The following ZNF106 variants were observed in gnomAD, a reference collection of about 807,000 sequenced individuals.
The protein encoded by ZNF106 is SH3-domain binding protein 3.
In ZNF106, 67 loss-of-function variants were observed where a neutral mutation model predicts 195.1. The observed-to-expected ratio is 0.34, with a 90% CI of 0.28 to 0.42. The LOEUF is 0.42. Among genes scored for constraint, ZNF106 ranks in the 10% least tolerant of loss-of-function variants. ZNF106 has a pLI of 1.00. For synonymous variants in ZNF106, 784 were observed against 818.6 expected (o/e 0.96, Z 0.72); for missense variants, 2,118 against 2,304.5 (o/e 0.92, Z 1.66).
In ZNF106 at chr15:42,413,032, A is replaced by G. The variant is rs2054321884; in HGVS notation, c.*4272T>C. On this transcript the variant is annotated 3_prime_UTR_variant, in exon 22 of 22. Transcript: ENST00000564754. ...AAGGGTGCTGGAGCAGCTCTAGGGC[A>G]TATATTTCTCTTAAATAGGAGAAAG... 1 of 152,214 alleles carries G rather than the reference A, an allele frequency of 6.6e-6. No homozygotes were observed. Among genetic ancestry groups the G allele is most frequent in the Non-Finnish European group, 1.5e-5 (1 of 68,040 alleles). 9.4% of individuals were successfully genotyped at this position (152,214 alleles called of 1,614,324 possible).
intron 1 of ZNF106, among the ~76,000 whole-genome samples, chr15:42,479,018 T>C (rs1363059390): frequency 6.6e-6 from 1 of 152,216 alleles, no homozygotes; most frequent in Non-Finnish European, 1.5e-5. Flanking sequence ...CACAGATTAT[T>C]TGGAAGATTC....
At chr15:42,472,374 A>G (rs2056693517) in intron 1 of ZNF106, 53 bp from the exon 2 acceptor site, 3 of 1,363,880 alleles carry the variant, frequency 2.2e-6, no homozygotes, top group Admixed American at 4.3e-5. Flanking sequence ...ACCTTCTTAC[A>G]TTCATCTTCA....
In ZNF106 at chr15:42,417,990, G is replaced by A. The variant is rs775041636; in HGVS notation, c.5518-39C>T. 4 of 1,602,128 alleles carry A rather than the reference G, an allele frequency of 2.5e-6. No homozygotes were observed. The Admixed American group carries it at 6.9e-5, about 28-fold the overall frequency. On this transcript the variant is annotated intron_variant, in intron 20 of 21. Coordinates refer to ENST00000564754, the MANE Select transcript of ZNF106 (RefSeq NM_001366845.3). ...AAATGAGGAGACTCGGTGAAAAAGG[G>A]TGCAGTGAACGTGAATCAGAACAGC...
At chr15:42,477,546 C>T (rs941184934) in intron 1 of ZNF106, among the ~76,000 whole-genome samples, 1 of 152,166 alleles carries the variant, frequency 6.6e-6, no homozygotes, top group Admixed American at 6.5e-5. Flanking sequence ...GAATTCAAGA[C>T]TAGGCTGATC....
chr15:42,470,746 C>T (rs1442924219), intron 2 of ZNF106, among the ~76,000 whole-genome samples: 1 of 152,162 alleles, frequency 6.6e-6, no homozygotes, highest in Non-Finnish European at 1.5e-5. Flanking sequence ...CATCTCTGAA[C>T]AGCAGCCTTT....
intron 2 of ZNF106, among the ~76,000 whole-genome samples, chr15:42,467,513 C>A (rs547861386): frequency 6.6e-6 from 1 of 152,014 alleles, no homozygotes; most frequent in South Asian, 2.1e-4. Flanking sequence ...CAGTCTTGGC[C>A]GGGCACAGTG....
intron 3 of ZNF106, among the ~76,000 whole-genome samples, chr15:42,463,040 T>C (rs1008011518): frequency 6.6e-6 from 1 of 151,918 alleles, no homozygotes; most frequent in East Asian, 1.9e-4. Context: ...CTCAAGTGAT[T>C]CTCCTGTCTT....
chr15:42,468,050 G>C (rs2056565065), intron 2 of ZNF106, among the ~76,000 whole-genome samples: 2 of 148,454 alleles, frequency 1.3e-5, no homozygotes, highest in African/African-American at 5.0e-5. Flanking sequence ...TGATAAACAG[G>C]GTTGTGATTC....
intron 2 of ZNF106, among the ~76,000 whole-genome samples, chr15:42,469,432 TTTTTTTAAAACACTTCACTAATCTTGTCC>T (rs1325284118): frequency 5.3e-5 from 8 of 152,184 alleles, no homozygotes; most frequent in Admixed American, 4.6e-4. Flanking sequence ...TGACTTTTGT[TTTTTTTAAAACACTTCACTAATCTTGTCC>T]TAAATTTACA....
intron 18 of ZNF106, among the ~76,000 whole-genome samples, 189 bp from the exon 19 acceptor site, chr15:42,422,177 T>C (rs1395690292): frequency 2.0e-5 from 3 of 152,070 alleles, no homozygotes; most frequent in African/African-American, 4.8e-5. Context: ...AGGAGGGAGC[T>C]GGTAATTAGA....
At chr15:42,456,699 AC>A (rs1435803733) in intron 4 of ZNF106, among the ~76,000 whole-genome samples, 1 of 152,168 alleles carries the variant, frequency 6.6e-6, no homozygotes, top group Non-Finnish European at 1.5e-5. Flanking sequence ...GCCATTCTCA[AC>A]ATAGTTACCA....
chr15:42,417,103 C>A lies in ZNF106; in HGVS notation c.*201G>T. ...ATGGTTCCTTAACATTTGTCTAAAT[C>A]TATTTAAAACCTCCAGCAAGAACTT... On this transcript the variant is annotated 3_prime_UTR_variant, in exon 22 of 22. Coordinates refer to ENST00000564754, the MANE Select transcript of ZNF106 (RefSeq NM_001366845.3). 1.8e-6 allele frequency: 1 copy of A among 566,360 alleles called. No individual in the cohort carries two copies. The highest frequency in any genetic ancestry group is 3.1e-6 in the Non-Finnish European group (1 of 319,712). The allele number at this position is 566,360 out of a possible 1,614,324, so 35.1% of individuals were successfully genotyped here. A position where few individuals can be genotyped will look rare whatever the true frequency, so the allele number is the denominator to read the frequency against.
chr15:42,439,693 T>A lies in ZNF106; in HGVS notation c.3884A>T (p.Asn1295Ile). Residue 1295 changes from asparagine (N) to isoleucine (I), a missense_variant, in exon 11 of 22, where the codon AAT becomes ATT. Asn to Ile is a moderately radical substitution (Grantham distance 149). Coordinates refer to ENST00000564754, the MANE Select transcript of ZNF106 (RefSeq NM_001366845.3). Reference protein sequence around the residue: ...QELKFSVEQRNTRNRENSPSS... With the variant: ...QELKFSVEQRITRNRENSPSS... ...GGGAGAGTTTTCTCTGTTTCTGGTA[T>A]TTCTTTGCTCCACAGAAAACTTCAG... 6.2e-7 allele frequency: 1 copy of A among 1,614,080 alleles called. No individual in the cohort carries two copies. The highest frequency in any genetic ancestry group is 8.5e-7 in the Non-Finnish European group (1 of 1,180,008).
Position 42,489,281 on chromosome 15 carries a change from G to A in ZNF106, c.-33+1699C>T, listed in dbSNP as rs539545383. 8.8e-4 allele frequency among the ~76,000 whole-genome samples: 133 copies of A among 151,356 alleles called. 1 individual carries two copies. The highest frequency in any genetic ancestry group is 3.1e-3 in the African/African-American group (127 of 41,300). On this transcript the variant is annotated intron_variant, in intron 1 of 21. Transcript: ENST00000564754. ...CAACCTCCGCCTCCCAGGTTCAAGCGATTCTCCTGCCTCAGCCTCCCAAGT... is the reference window on the plus strand; with the variant it reads ...CAACCTCCGCCTCCCAGGTTCAAGCAATTCTCCTGCCTCAGCCTCCCAAGT...
At chr15:42,481,908 A>T (rs1227065520) in intron 1 of ZNF106, among the ~76,000 whole-genome samples, 2 of 152,132 alleles carry the variant, frequency 1.3e-5, no homozygotes, top group Non-Finnish European at 2.9e-5. Flanking sequence ...TTCAGCCATT[A>T]AATTTTTAAA....
At chr15:42,459,023 C>G (rs935819169) in intron 3 of ZNF106, among the ~76,000 whole-genome samples, 2 of 152,090 alleles carry the variant, frequency 1.3e-5, no homozygotes, top group African/African-American at 4.8e-5. Context: ...ACCTCAAATA[C>G]TGACATTTTT....
At chr15:42,441,886 T>A (rs1346616999) in intron 10 of ZNF106, 187 bp downstream of exon 10, 5 of 444,038 alleles carry the variant, frequency 1.1e-5, no homozygotes, top group Non-Finnish European at 1.2e-5. Context: ...AAATGACTGA[T>A]ATTTAAATTA....
chr15:42,427,892 G>A (rs563648263), intron 15 of ZNF106, 126 bp downstream of exon 15: 8 of 694,750 alleles, frequency 1.2e-5, no homozygotes, highest in Non-Finnish European at 2.0e-5. Flanking sequence ...TGTTTGAGTA[G>A]TGGCTAATTC....
intron 9 of ZNF106, among the ~76,000 whole-genome samples, chr15:42,443,306 T>C (rs2055626814): frequency 6.6e-6 from 1 of 152,148 alleles, no homozygotes; most frequent in Non-Finnish European, 1.5e-5. Context: ...CTAAACATTT[T>C]TGGGATGCAC....
Sources: gnomAD v4.1 joint callset for allele counts (sites outside exome capture counted in the v4.1 genomes callset) on GRCh38, gnomAD v4.1.1 for gene constraint, MANE v1.5 for transcripts, NCBI Gene and HGNC (gene_info 2026-07-23, HGNC 2026-07-21) for gene names.